DHX35: variants seen among roughly 807,000 people sequenced by gnomAD.
DHX35 encodes probable ATP-dependent RNA helicase DHX35.
DHX35 carries 84 observed loss-of-function variants against 99.6 expected under a neutral mutation model. That is an observed-to-expected ratio of 0.84 (90% CI 0.71 to 1.01). The LOEUF (loss-of-function observed/expected upper bound fraction) is 1.01. DHX35 is among the 50% of genes least tolerant of loss of function. The probability of loss-of-function intolerance (pLI) is 0.00; values close to 1 mark genes in which losing one functional copy is unlikely to be tolerated. For missense variants in DHX35, 852 were observed against 888.5 expected (o/e 0.96, Z 0.52); for synonymous variants, 331 against 316.2 (o/e 1.05, Z -0.50).
rs759598323 is a variant in DHX35 at position 39,006,345 on chromosome 20, G to A, written c.1211G>A (p.Arg404His). The change falls in exon 12 of 22, where the codon CGC becomes CAC. Residue 404 changes from arginine (R) to histidine (H), a missense_variant. Physicochemically the swap from Arg to His is conservative, Grantham distance 29 (BLOSUM62 0). Transcript: ENST00000252011. ...CGTAGTCGCTCGGGAAAATGTTATC[G>A]CCTTTATACAGGTTAGTGTGGCTTT... ...GGRSRSGKCYRLYTEEAFDKL... is the reference protein window; with the variant it reads ...GGRSRSGKCYHLYTEEAFDKL... 2.5e-6 allele frequency: 4 copies of A among 1,614,056 alleles called. No homozygotes were observed. In the South Asian group the frequency reaches 4.4e-5, roughly 18 times the overall value.
intron 14 of DHX35, among the ~76,000 whole-genome samples, chr20:39,017,197 T>C (rs923633142): frequency 2.0e-5 from 3 of 152,202 alleles, no homozygotes; most frequent in African/African-American, 7.2e-5. Context: ...AGTTACTTTT[T>C]TGGTATGGAG....
chr20:38,977,818 G>T, intron 3 of DHX35: 1 of 545,102 alleles, frequency 1.8e-6, no homozygotes, highest in Non-Finnish European at 3.6e-6. Context: ...GGTGTTGGTG[G>T]TATTGAGTCT....
At chr20:38,963,024 T>C (rs2085858463) in intron 1 of DHX35, 1 of 152,624 alleles carries the variant, frequency 6.6e-6, no homozygotes, top group South Asian at 2.0e-4. Context: ...AGGATAATTG[T>C]TGTCCACTCC....
chr20:39,014,344 C>T (rs1464223776), intron 13 of DHX35, among the ~76,000 whole-genome samples: 1 of 152,136 alleles, frequency 6.6e-6, no homozygotes, highest in Non-Finnish European at 1.5e-5. Flanking sequence ...ACTTTAAGGT[C>T]TCTAGAGCTA....
chr20:39,004,263 C>T (rs142560280), intron 11 of DHX35, among the ~76,000 whole-genome samples: 3,101 of 152,176 alleles, frequency 0.02, 112 homozygotes, highest in African/African-American at 0.071. Context: ...GACGGGGTTT[C>T]ACTAAGTTAG....
At chr20:38,970,883 A>G (rs2145835265) in intron 2 of DHX35, among the ~76,000 whole-genome samples, 1 of 151,920 alleles carries the variant, frequency 6.6e-6, no homozygotes, top group East Asian at 1.9e-4. Flanking sequence ...AGAAATGTTT[A>G]TGAAATTAAA....
intron 5 of DHX35, among the ~76,000 whole-genome samples, chr20:38,990,846 G>A (rs762646036): frequency 6.6e-6 from 1 of 152,052 alleles, no homozygotes; most frequent in Non-Finnish European, 1.5e-5. Context: ...ACATTAACTT[G>A]GTGAGGTAAA....
Position 38,989,733 on chromosome 20 carries a change from A to G in DHX35, c.450+816A>G, listed in dbSNP as rs371106026. Among the ~76,000 whole-genome samples, 8 of 152,184 alleles carry G rather than the reference A, an allele frequency of 5.3e-5. No individual in the cohort carries two copies. In the East Asian group the frequency reaches 1.2e-3, roughly 22 times the overall value. Reference sequence around the variant, plus strand: ...CACTAATTAGTACTTTTCCATTTTCATATGAAAATGGATTTTACATGTGTG... The same window carrying G: ...CACTAATTAGTACTTTTCCATTTTCGTATGAAAATGGATTTTACATGTGTG... On this transcript the variant is annotated intron_variant, in intron 5 of 21. Transcript: ENST00000252011.
Position 39,018,411 on chromosome 20 carries a change from A to G in DHX35, c.1403-393A>G, listed in dbSNP as rs139656741. On this transcript the variant is annotated intron_variant, in intron 14 of 21. Transcript: ENST00000252011. The stretch of plus-strand genomic sequence containing the variant: ...CCGAGTGCTGCTGAGGCCATCAGGA[A>G]GATGCCTTGCGTTTGGTGCTACCCA... Among the ~76,000 whole-genome samples, 686 of 152,126 alleles carry G rather than the reference A, an allele frequency of 4.5e-3. 7 individuals carry two copies. Among genetic ancestry groups the G allele is most frequent in the African/African-American group, 0.016 (661 of 41,522 alleles).
At chr20:39,021,690 C>T in intron 15 of DHX35, 151 bp from the exon 16 acceptor site, 1 of 713,204 alleles carries the variant, frequency 1.4e-6, no homozygotes, top group Non-Finnish European at 2.4e-6. Flanking sequence ...CCATGCTGCC[C>T]AGGCTTATAT....
At chr20:38,972,720 C>G (rs946784228) in intron 3 of DHX35, 69 bp downstream of exon 3, 61 of 993,090 alleles carry the variant, frequency 6.1e-5, no homozygotes, top group African/African-American at 3.2e-5. Context: ...CTTGAGAGCT[C>G]TCTTTACTAT....
Position 39,006,145 on chromosome 20 carries a change from G to C in DHX35, c.1012-1G>C. ...TATTCTTCTTTCTGTGGGGAACGTA[G>C]GTGATAGTGGCCACCAATGTGGCAG... On this transcript the variant is annotated splice_acceptor_variant, in intron 11 of 21. Coordinates refer to ENST00000252011, the MANE Select transcript of DHX35 (RefSeq NM_021931.4). LOFTEE classifies it high-confidence loss of function. The C allele has an allele frequency of 6.2e-7, 1 of 1,612,276 alleles. No homozygotes were observed. Among genetic ancestry groups the C allele is most frequent in the Non-Finnish European group, 8.5e-7 (1 of 1,178,440 alleles).
chr20:38,996,115 T>C (rs2086424842), intron 8 of DHX35, among the ~76,000 whole-genome samples: 1 of 152,232 alleles, frequency 6.6e-6, no homozygotes, highest in African/African-American at 2.4e-5. Context: ...TCTCTCCTAA[T>C]TTCATTCCAG....
chr20:39,004,699 G>C (rs1401764071), intron 11 of DHX35, among the ~76,000 whole-genome samples: 3 of 152,196 alleles, frequency 2.0e-5, no homozygotes, highest in Non-Finnish European at 4.4e-5. Context: ...GAAGGAGCTG[G>C]CAGGCAGCCA....
intron 1 of DHX35, among the ~76,000 whole-genome samples, chr20:38,966,101 G>T (rs2085906373): frequency 6.6e-6 from 1 of 152,204 alleles, no homozygotes; most frequent in African/African-American, 2.4e-5. Context: ...CCACTAATGG[G>T]TCACCAGTAA....
rs1040719428 is a variant in DHX35, at chr20:39,018,674, G to A, written c.1403-130G>A. The A allele has an allele frequency of 5.9e-6, 5 of 850,008 alleles. No homozygotes were observed. In the African/African-American group the frequency reaches 6.8e-5, roughly 12 times the overall value. The allele number at this position is 850,008 out of a possible 1,614,324, so 52.7% of individuals were successfully genotyped here. On this transcript the variant is annotated intron_variant, in intron 14 of 21. Transcript: ENST00000252011. ...ACTCTAGTGTCAAATGGAGTTTGGT[G>A]TAGTGCATGAATCATCTTTTGGATA... is the stretch of plus-strand genomic sequence containing the variant.
chr20:38,980,511 G>GTTTTTTTTTTTTTTTTTTTTTT (rs397953645), intron 3 of DHX35, among the ~76,000 whole-genome samples: 1 of 136,994 alleles, frequency 7.3e-6, no homozygotes, highest in African/African-American at 2.7e-5. Flanking sequence ...TTATAGTTCT[G>GTTTTTTTTTTTTTTTTTTTTTT]TTTTTTTTTT....
intron 17 of DHX35, among the ~76,000 whole-genome samples, chr20:39,024,934 T>C (rs1443178384): frequency 6.6e-6 from 1 of 152,166 alleles, no homozygotes; most frequent in Non-Finnish European, 1.5e-5. Context: ...CGTGGAGAAA[T>C]GGTTCTTTCT....
At chr20:39,000,883 C>A (rs1427999702) in intron 8 of DHX35, among the ~76,000 whole-genome samples, 1 of 152,170 alleles carries the variant, frequency 6.6e-6, no homozygotes, top group Non-Finnish European at 1.5e-5. Context: ...CAGCTGCTTC[C>A]CATCTGGTGC....
Sources: gnomAD v4.1 joint callset for allele counts (sites outside exome capture counted in the v4.1 genomes callset) on GRCh38, gnomAD v4.1.1 for gene constraint, MANE v1.5 for transcripts, NCBI Gene and HGNC (gene_info 2026-07-23, HGNC 2026-07-21) for gene names.